The following FBXL7 variants were observed in gnomAD, a reference collection of about 807,000 sequenced individuals.
The protein encoded by FBXL7 is F-box/LRR-repeat protein 7.
A neutral mutation model predicts 38.3 loss-of-function variants in FBXL7; 12 were observed. That is an observed-to-expected ratio of 0.31 (90% CI 0.20 to 0.51). FBXL7 has a LOEUF of 0.51. Ranked by LOEUF, FBXL7 falls within the 20% of genes least tolerant of loss-of-function variation. FBXL7 has a pLI of 0.98. For synonymous variants in FBXL7, 297 were observed against 300.9 expected, an observed-to-expected ratio of 0.99 and a Z score of 0.13; for missense variants, 567 against 676.4, an observed-to-expected ratio of 0.84 and a Z score of 1.79.
chr5:15,806,081 A>G (rs1390085210), intron 2 of FBXL7, among the ~76,000 whole-genome samples: 1 of 152,238 alleles, frequency 6.6e-6, no homozygotes, highest in Non-Finnish European at 1.5e-5. Context: ...CCTATAATTT[A>G]TGAAAGTAGT....
intron 2 of FBXL7, among the ~76,000 whole-genome samples, chr5:15,775,848 T>G (rs1024641381): frequency 6.6e-6 from 1 of 152,182 alleles, no homozygotes; most frequent in Admixed American, 6.6e-5. Context: ...TCTCCTGCAC[T>G]CCATTCATTG....
At chr5:15,796,442 G>A (rs1737418210) in intron 2 of FBXL7, among the ~76,000 whole-genome samples, 1 of 151,804 alleles carries the variant, frequency 6.6e-6, no homozygotes, top group African/African-American at 2.4e-5. Context: ...CATTTGGCCT[G>A]CAAAGCCTAA....
chr5:15,515,724 G>A (rs903881535), intron 1 of FBXL7, among the ~76,000 whole-genome samples: 1 of 152,144 alleles, frequency 6.6e-6, no homozygotes, highest in African/African-American at 2.4e-5. Context: ...TATTAAACGA[G>A]GGACCAATGG....
rs115885231 is a variant in FBXL7, at chr5:15,673,314, C to G, written c.127+57242C>G. Among the ~76,000 whole-genome samples the G allele has an allele frequency of 8.6e-3, 1,293 of 150,558 alleles. 13 individuals carry two copies. Among genetic ancestry groups the G allele is most frequent in the African/African-American group, 0.03 (1,225 of 40,930 alleles). ...CTGGGTGACAAGAGCGAGACTCCAT[C>G]TAAAAAGAAAAAAAAAAGAAAAAAA... On this transcript the variant is annotated intron_variant, in intron 2 of 3. Coordinates refer to ENST00000504595, the MANE Select transcript of FBXL7 (RefSeq NM_012304.5).
chr5:15,728,210 C>G (rs1735478353), intron 2 of FBXL7, among the ~76,000 whole-genome samples: 1 of 152,044 alleles, frequency 6.6e-6, no homozygotes, highest in African/African-American at 2.4e-5. Context: ...GCCATGATGT[C>G]TTTTTCAGGG....
At chr5:15,820,340 T>G (rs1738135982) in intron 2 of FBXL7, among the ~76,000 whole-genome samples, 1 of 151,946 alleles carries the variant, frequency 6.6e-6, no homozygotes, top group Non-Finnish European at 1.5e-5. Flanking sequence ...CCCTGGAGGG[T>G]CCTCCCAGCA....
chr5:15,790,343 G>T (rs1737242073), intron 2 of FBXL7, among the ~76,000 whole-genome samples: 1 of 152,080 alleles, frequency 6.6e-6, no homozygotes. Flanking sequence ...CTTGTCTGAT[G>T]TTGGTCCCTT....
intron 1 of FBXL7, among the ~76,000 whole-genome samples, chr5:15,537,480 A>C (rs1737618494): frequency 6.6e-6 from 1 of 152,344 alleles, no homozygotes; most frequent in South Asian, 2.1e-4. Context: ...GTGTTATTGA[A>C]GATTAAAAGA....
At position 15,500,727 on chromosome 5, in the gene FBXL7, C is replaced by A; in HGVS notation, c.37+14C>A. On this transcript the variant is annotated intron_variant, in intron 1 of 3. Coordinates refer to ENST00000504595, the MANE Select transcript of FBXL7 (RefSeq NM_012304.5). ...ACGGCAGTGAGGGTGAGTGGGCCGC[C>A]CGTCCTCAGACTCCCGGATCGCGTC... is the stretch of plus-strand genomic sequence containing the variant. The A allele has an allele frequency of 6.2e-7, 1 of 1,604,574 alleles. No homozygotes were observed. The highest frequency in any genetic ancestry group is 8.5e-7 in the Non-Finnish European group (1 of 1,175,130).
chr5:15,763,495 T>C (rs1736503208), intron 2 of FBXL7, among the ~76,000 whole-genome samples: 1 of 152,210 alleles, frequency 6.6e-6, no homozygotes, highest in African/African-American at 2.4e-5. Context: ...TCCAGGTTAT[T>C]GGTCTTTTGT....
At chr5:15,560,755 G>A (rs1738388450) in intron 1 of FBXL7, among the ~76,000 whole-genome samples, 1 of 152,010 alleles carries the variant, frequency 6.6e-6, no homozygotes. Context: ...ACTTCCCTCT[G>A]TTCTTCTGCA....
intron 2 of FBXL7, among the ~76,000 whole-genome samples, chr5:15,814,078 T>C (rs573332046): frequency 2.1e-4 from 32 of 152,272 alleles, no homozygotes; most frequent in African/African-American, 7.5e-4. Flanking sequence ...CTTTACTAGG[T>C]ATATACCCAA....
At chr5:15,664,941 A>G (rs988326675) in intron 2 of FBXL7, among the ~76,000 whole-genome samples, 8 of 151,592 alleles carry the variant, frequency 5.3e-5, no homozygotes, top group Admixed American at 1.3e-4. Context: ...TTTCACAGGT[A>G]TAGGATTCTG....
Position 15,928,363 on chromosome 5 carries a change from G to T in FBXL7, c.601G>T (p.Asp201Tyr). 1 of 1,614,030 alleles carries T rather than the reference G, an allele frequency of 6.2e-7. No homozygotes were observed. The highest frequency in any genetic ancestry group is 8.5e-7 in the Non-Finnish European group (1 of 1,179,894). Residue 201 changes from aspartate (D) to tyrosine (Y), a missense_variant, in exon 3 of 4, where the codon GAC (aspartate) becomes TAC (tyrosine). Asp to Tyr is a radical substitution (Grantham distance 160). Coordinates refer to ENST00000504595, the MANE Select transcript of FBXL7 (RefSeq NM_012304.5). The surrounding 1 kb of genome is among the most constrained non-coding windows in gnomAD (Gnocchi z 4.0). The part of the protein sequence containing the change: ...VTVSGCRRLT[D>Y]RGLYTIAQCC... The stretch of plus-strand genomic sequence containing the variant: ...TGTCAGTGGCTGCAGGCGGCTCACA[G>T]ACCGAGGGCTGTACACCATCGCCCA...
chr5:15,817,319 G>A (rs1192154070), intron 2 of FBXL7, among the ~76,000 whole-genome samples: 1 of 151,560 alleles, frequency 6.6e-6, no homozygotes, highest in African/African-American at 2.4e-5. Context: ...TTTTAAAAAA[G>A]GCAATGATAT....
chr5:15,666,065 A>G (rs1742264613), intron 2 of FBXL7, among the ~76,000 whole-genome samples: 1 of 152,160 alleles, frequency 6.6e-6, no homozygotes, highest in Non-Finnish European at 1.5e-5. Context: ...TGATAAAACT[A>G]TTGAATAGGT....
intron 2 of FBXL7, among the ~76,000 whole-genome samples, chr5:15,636,690 T>G (rs1312542475): frequency 6.6e-6 from 1 of 152,110 alleles, no homozygotes; most frequent in Non-Finnish European, 1.5e-5. Flanking sequence ...CTTTTTTTTT[T>G]TTTTTGCATA....
rs1217992597 is a variant in FBXL7, at chr5:15,937,493, G to A, written c.*307G>A. The A allele has an allele frequency of 1.5e-5, 4 of 267,494 alleles. No individual in the cohort carries two copies. Among genetic ancestry groups the A allele is most frequent in the African/African-American group, 9.0e-5 (4 of 44,492 alleles). 16.6% of individuals were successfully genotyped at this position (267,494 alleles called of 1,614,324 possible). A position where few individuals can be genotyped will look rare whatever the true frequency, so the allele number is the denominator to read the frequency against. On this transcript the variant is annotated 3_prime_UTR_variant, in exon 4 of 4. Coordinates refer to ENST00000504595, the MANE Select transcript of FBXL7 (RefSeq NM_012304.5). ...AAGGCGCTTACTCTCCTCCGCTCAG[G>A]CCCCCAAGGCCGCCCTTTCCCTCGC...
intron 1 of FBXL7, among the ~76,000 whole-genome samples, chr5:15,579,042 T>G (rs1174911303): frequency 2.0e-5 from 3 of 152,160 alleles, no homozygotes; most frequent in Non-Finnish European, 4.4e-5. Flanking sequence ...AATGTGCTAT[T>G]TGGGTGAGAT....
Sources: allele counts gnomAD v4.1 joint callset (sites outside exome capture counted in the v4.1 genomes callset), GRCh38; gene constraint gnomAD v4.1.1; non-coding constraint Gnocchi (gnomAD v3.1); transcripts MANE v1.5; gene names NCBI Gene and HGNC (gene_info 2026-07-23, HGNC 2026-07-21).